The following MYO16 variants were observed in gnomAD, a reference collection of about 807,000 sequenced individuals.
MYO16 encodes myosin XVI, also known as unconventional myosin-XVI.
MYO16 carries 94 observed loss-of-function variants against 205.3 expected under a neutral mutation model. That is an observed-to-expected ratio of 0.46 (90% CI 0.39 to 0.54). The LOEUF (loss-of-function observed/expected upper bound fraction) is 0.54, where lower values mean the gene tolerates loss of function less well. MYO16 is among the 20% of genes least tolerant of loss of function. The pLI is 0.00. For missense variants in MYO16, 2,315 were observed against 2,387.5 expected, an observed-to-expected ratio of 0.97 and a Z score of 0.63; for synonymous variants, 988 against 954.0, an observed-to-expected ratio of 1.04 and a Z score of -0.66.
intron 2 of MYO16, among the ~76,000 whole-genome samples, chr13:108,672,295 G>A (rs182775931): frequency 1.3e-5 from 2 of 152,074 alleles, no homozygotes; most frequent in African/African-American, 4.8e-5. Context: ...AAATGCACTT[G>A]TTTATGCAAT....
chr13:108,860,711 A>T (rs1315632868), intron 11 of MYO16, among the ~76,000 whole-genome samples: 1 of 152,214 alleles, frequency 6.6e-6, no homozygotes, highest in African/African-American at 2.4e-5. Flanking sequence ...TCCCTCTTCA[A>T]TAAATGGTGC....
At chr13:109,175,652 C>CTCT (rs1879136832) in intron 33 of MYO16, among the ~76,000 whole-genome samples, 1 of 152,156 alleles carries the variant, frequency 6.6e-6, no homozygotes, top group African/African-American at 2.4e-5. Flanking sequence ...ACACATGAAT[C>CTCT]TCTAAGCTGG....
intron 12 of MYO16, among the ~76,000 whole-genome samples, chr13:108,875,625 C>T (rs1879288067): frequency 1.3e-5 from 2 of 152,234 alleles, no homozygotes; most frequent in South Asian, 4.1e-4. Context: ...TCATCACCCA[C>T]ATCTACTCTC....
At chr13:109,163,275 G>A (rs1276376796) in intron 32 of MYO16, among the ~76,000 whole-genome samples, 2 of 152,156 alleles carry the variant, frequency 1.3e-5, no homozygotes, top group African/African-American at 4.8e-5. Context: ...GAGAGGGCTT[G>A]AGTGCACCAA....
At chr13:109,025,326 G>C (rs1311982517) in intron 23 of MYO16, among the ~76,000 whole-genome samples, 2 of 152,138 alleles carry the variant, frequency 1.3e-5, no homozygotes, top group Admixed American at 1.3e-4. Context: ...GAGGCTCTGA[G>C]GTGCTTTTAG....
At chr13:108,814,398 C>T (rs1887386284) in intron 7 of MYO16, among the ~76,000 whole-genome samples, 1 of 152,000 alleles carries the variant, frequency 6.6e-6, no homozygotes, top group Non-Finnish European at 1.5e-5. Context: ...TTTTTCCCTA[C>T]CTTACTCCAT....
intron 28 of MYO16, among the ~76,000 whole-genome samples, chr13:109,112,110 A>T (rs965735402): frequency 6.6e-6 from 1 of 152,236 alleles, no homozygotes; most frequent in Admixed American, 6.5e-5. Context: ...AAGAAGGTTC[A>T]CATTGGTTTT....
intron 16 of MYO16, among the ~76,000 whole-genome samples, chr13:108,911,117 T>C (rs1250599546): frequency 6.6e-6 from 1 of 150,938 alleles, no homozygotes; most frequent in Non-Finnish European, 1.5e-5. Flanking sequence ...AAGACAGTGG[T>C]TAAGGCCAAG....
chr13:108,670,352 T>C (rs1432471670), intron 2 of MYO16, among the ~76,000 whole-genome samples: 1 of 152,202 alleles, frequency 6.6e-6, no homozygotes, highest in South Asian at 2.1e-4. Flanking sequence ...ATGAGTCTTA[T>C]ATGGGGCCAG....
intron 20 of MYO16, among the ~76,000 whole-genome samples, chr13:108,980,408 A>G (rs1424168973): frequency 6.6e-6 from 1 of 152,182 alleles, no homozygotes; most frequent in African/African-American, 2.4e-5. Flanking sequence ...TGTCCTGCTC[A>G]ATAGAGTTAG....
At chr13:108,607,879 T>A (rs566808575) in intron 1 of MYO16, among the ~76,000 whole-genome samples, 30 of 152,348 alleles carry the variant, frequency 2.0e-4, no homozygotes, top group African/African-American at 7.0e-4. Context: ...CTGCTAAACC[T>A]TAACTACTGG....
chr13:109,089,396 T>C (rs1481613915), intron 27 of MYO16, among the ~76,000 whole-genome samples: 2 of 151,968 alleles, frequency 1.3e-5, no homozygotes. Flanking sequence ...GTATTTTTAG[T>C]AGAGACGGGG....
intron 27 of MYO16, among the ~76,000 whole-genome samples, chr13:109,065,793 G>A (rs975068419): frequency 6.6e-5 from 10 of 152,128 alleles, no homozygotes; most frequent in African/African-American, 2.2e-4. Context: ...CTCCAGATCC[G>A]GGGTAGCAAA....
At chr13:109,159,996 G>A (rs984369799) in intron 32 of MYO16, among the ~76,000 whole-genome samples, 1 of 152,240 alleles carries the variant, frequency 6.6e-6, no homozygotes, top group Non-Finnish European at 1.5e-5. Flanking sequence ...ATGTTTTAAA[G>A]CGAGGTTTCT....
At chr13:109,183,966 AAAGTT>A (rs1192127249) in intron 34 of MYO16, among the ~76,000 whole-genome samples, 4 of 152,232 alleles carry the variant, frequency 2.6e-5, no homozygotes, top group Non-Finnish European at 5.9e-5. Flanking sequence ...ATATAAAAAC[AAAGTT>A]AAGAGTTGCA....
chr13:109,201,937 A>C (rs1241129865), intron 34 of MYO16, among the ~76,000 whole-genome samples: 1 of 152,058 alleles, frequency 6.6e-6, no homozygotes, highest in Non-Finnish European at 1.5e-5. Context: ...ATTACTTTTT[A>C]TGCCAGAGTA....
rs577991764 is a variant in MYO16, at chr13:109,027,675, A to G, written c.2796+7764A>G. ...TGATATTTATCATTAAAGAAAATAT[A>G]ATTATGAGCCTCATAAATTTGTCCT... On this transcript the variant is annotated intron_variant, in intron 23 of 34. Transcript: ENST00000457511. Among the ~76,000 whole-genome samples the G allele has an allele frequency of 7.5e-4, 114 of 152,276 alleles. 1 individual carries two copies. Among genetic ancestry groups the G allele is most frequent in the Non-Finnish European group, 1.3e-3 (87 of 68,016 alleles).
chr13:108,708,503 C>T (rs1251011417), intron 2 of MYO16, among the ~76,000 whole-genome samples: 2 of 152,178 alleles, frequency 1.3e-5, no homozygotes, highest in African/African-American at 2.4e-5. Context: ...ACAAGAACTC[C>T]CATATCCCCT....
chr13:108,715,149 G>A (rs539550579), intron 3 of MYO16, among the ~76,000 whole-genome samples: 3 of 152,182 alleles, frequency 2.0e-5, no homozygotes, highest in African/African-American at 7.2e-5. Context: ...TTCCCTCTGC[G>A]CTCTGCTCTG....
Sources: gnomAD v4.1 joint callset for allele counts (sites outside exome capture counted in the v4.1 genomes callset) on GRCh38, gnomAD v4.1.1 for gene constraint, MANE v1.5 for transcripts, NCBI Gene and HGNC (gene_info 2026-07-23, HGNC 2026-07-21) for gene names.